The following NAV3 variants were observed in gnomAD, a reference collection of about 807,000 sequenced individuals.
NAV3 encodes the protein pore membrane and/or filament interacting like protein 1.
Under a neutral mutation model 244.7 loss-of-function variants are expected in NAV3, and 87 were observed. The ratio of observed to expected loss-of-function variants is 0.36; its 90% CI spans 0.30 to 0.42. The LOEUF is 0.42. Among genes scored for constraint, NAV3 ranks in the 20% least tolerant of loss-of-function variants. The pLI is 1.00. For missense variants in NAV3, 2,663 were observed against 2,893.3 expected, an observed-to-expected ratio of 0.92 and a Z score of 1.83; for synonymous variants, 1,126 against 1,042.2, an observed-to-expected ratio of 1.08 and a Z score of -1.55.
At chr12:77,615,635 A>AT (rs1871118310) in intron 2 of NAV3, among the ~76,000 whole-genome samples, 1 of 152,156 alleles carries the variant, frequency 6.6e-6, no homozygotes, top group Admixed American at 6.6e-5. Flanking sequence ...GGGCATCTTT[A>AT]TTGATTCCAT....
At chr12:77,573,180 A>G (rs552621972) in intron 2 of NAV3, among the ~76,000 whole-genome samples, 1 of 152,296 alleles carries the variant, frequency 6.6e-6, no homozygotes, top group South Asian at 2.1e-4. Context: ...CTTTGTTTTT[A>G]CATCAGTCTT....
intron 1 of NAV3, among the ~76,000 whole-genome samples, chr12:77,878,561 A>G (rs569870080): frequency 8.5e-5 from 13 of 152,096 alleles, no homozygotes; most frequent in South Asian, 2.1e-4. Context: ...TAACTATAAT[A>G]TACACACCAT....
chr12:77,792,362 C>A (rs542192332), intron 2 of NAV3, among the ~76,000 whole-genome samples: 13 of 152,114 alleles, frequency 8.5e-5, no homozygotes, highest in Non-Finnish European at 1.5e-4. Context: ...TTTAAAGGTT[C>A]CTTTATGTGC....
intron 2 of NAV3, among the ~76,000 whole-genome samples, chr12:77,727,958 G>A (rs1212206827): frequency 6.6e-6 from 1 of 151,724 alleles, no homozygotes; most frequent in East Asian, 1.9e-4. Context: ...CTATAGGAGT[G>A]GGAAAAACAC....
chr12:77,805,950 G>A (rs1871956838), intron 2 of NAV3, among the ~76,000 whole-genome samples: 1 of 152,150 alleles, frequency 6.6e-6, no homozygotes, highest in Admixed American at 6.5e-5. Context: ...TAGTTTATTT[G>A]TGTAGAGGTT....
intron 7 of NAV3, among the ~76,000 whole-genome samples, chr12:78,006,203 C>A (rs1457478664): frequency 2.0e-5 from 3 of 151,954 alleles, no homozygotes; most frequent in Non-Finnish European, 4.4e-5. Flanking sequence ...CGTCCCCCCA[C>A]AGCCCCCACC....
intron 2 of NAV3, among the ~76,000 whole-genome samples, chr12:77,787,443 G>A (rs1050613634): frequency 2.0e-5 from 3 of 152,160 alleles, no homozygotes; most frequent in African/African-American, 4.8e-5. Flanking sequence ...GCATGGCTGG[G>A]GAGACCTCAG....
chr12:78,108,336 A>AG (rs1954914239), intron 12 of NAV3, among the ~76,000 whole-genome samples: 2 of 152,198 alleles, frequency 1.3e-5, no homozygotes, highest in African/African-American at 4.8e-5. Flanking sequence ...AGAGAGAAAT[A>AG]GACTGCAATA....
At chr12:77,735,385 T>C (rs1009930499) in intron 2 of NAV3, among the ~76,000 whole-genome samples, 6 of 152,092 alleles carry the variant, frequency 3.9e-5, no homozygotes, top group African/African-American at 1.4e-4. Flanking sequence ...ATTAATGAAT[T>C]AGTTAACATA....
intron 12 of NAV3, among the ~76,000 whole-genome samples, chr12:78,061,097 G>A (rs536989842): frequency 8.5e-5 from 13 of 152,242 alleles, no homozygotes; most frequent in African/African-American, 2.9e-4. Flanking sequence ...AGCAGCCATT[G>A]AAACTTCATA....
At chr12:78,200,447 A>C in intron 37 of NAV3, 26 bp from the exon 38 acceptor site, 1 of 1,365,324 alleles carries the variant, frequency 7.3e-7, no homozygotes, top group East Asian at 2.3e-5. Context: ...AACTCTTAAA[A>C]TATTTTGTTA....
intron 6 of NAV3, among the ~76,000 whole-genome samples, chr12:77,996,947 CAGTATT>C (rs1487263208): frequency 1.3e-5 from 2 of 151,940 alleles, no homozygotes; most frequent in Admixed American, 1.3e-4. Context: ...CTTAGACTGT[CAGTATT>C]AGTTCTTGGC....
At chr12:77,604,059 G>A (rs1870561570) in intron 2 of NAV3, among the ~76,000 whole-genome samples, 1 of 152,072 alleles carries the variant, frequency 6.6e-6, no homozygotes, top group African/African-American at 2.4e-5. Flanking sequence ...TGAGAATAAT[G>A]TGATCAGTGG....
At chr12:77,879,708 A>AAAAAG (rs1882379107) in intron 1 of NAV3, among the ~76,000 whole-genome samples, 1 of 148,964 alleles carries the variant, frequency 6.7e-6, no homozygotes, top group Non-Finnish European at 1.5e-5. Context: ...AAAAAAAAAA[A>AAAAAG]GGAAATTATT....
At chr12:77,805,967 G>T (rs1387260008) in intron 2 of NAV3, among the ~76,000 whole-genome samples, 5 of 152,116 alleles carry the variant, frequency 3.3e-5, no homozygotes, top group Admixed American at 2.0e-4. Context: ...GGTTTTTATT[G>T]TATTCTCTGA....
At chr12:78,066,161 G>A (rs1026822374) in intron 12 of NAV3, among the ~76,000 whole-genome samples, 12 of 152,026 alleles carry the variant, frequency 7.9e-5, no homozygotes, top group African/African-American at 2.9e-4. Flanking sequence ...AGCTGCCTAT[G>A]AACCAGCAAT....
At position 78,210,622 on chromosome 12, in the gene NAV3, C is replaced by T; in HGVS notation, c.*105C>T. The T allele has an allele frequency of 7.3e-6, 10 of 1,365,768 alleles. No individual in the cohort carries two copies. Among genetic ancestry groups the T allele is most frequent in the South Asian group, 1.5e-5 (1 of 68,276 alleles). 84.6% of individuals were successfully genotyped at this position (1,365,768 alleles called of 1,614,324 possible). On this transcript the variant is annotated 3_prime_UTR_variant, in exon 40 of 40. Transcript: ENST00000397909. ...CAGTATAAAAGCACCCTGTCAAGGGCCCTGACCCAGAGTTGTGGTCTCCAA... is the reference window on the plus strand; with the variant it reads ...CAGTATAAAAGCACCCTGTCAAGGGTCCTGACCCAGAGTTGTGGTCTCCAA...
At chr12:77,805,531 T>C (rs1428908342) in intron 2 of NAV3, among the ~76,000 whole-genome samples, 3 of 152,236 alleles carry the variant, frequency 2.0e-5, no homozygotes, top group Admixed American at 6.5e-5. Context: ...TTGATCGTGG[T>C]GAATAAGCTT....
chr12:78,054,848 G>A (rs996064133), intron 11 of NAV3, among the ~76,000 whole-genome samples: 8 of 152,058 alleles, frequency 5.3e-5, no homozygotes, highest in African/African-American at 1.7e-4. Context: ...AAAGCAGAGA[G>A]AGAGATGATG....
Sources: gnomAD v4.1 joint callset for allele counts (sites outside exome capture counted in the v4.1 genomes callset) on GRCh38, gnomAD v4.1.1 for gene constraint, MANE v1.5 for transcripts, NCBI Gene and HGNC (gene_info 2026-07-23, HGNC 2026-07-21) for gene names.